VDAC1: variants seen among roughly 807,000 people sequenced by gnomAD.
The protein encoded by VDAC1 is non-selective voltage-gated ion channel VDAC1.
In VDAC1, 10 loss-of-function variants were observed where a neutral mutation model predicts 34.7. The observed-to-expected ratio is 0.29, with a 90% confidence interval of 0.18 to 0.49. The LOEUF is 0.49. Among genes scored for constraint, VDAC1 ranks in the 20% least tolerant of loss-of-function variants. The probability of loss-of-function intolerance (pLI) is 0.99; values close to 1 mark genes in which losing one functional copy is unlikely to be tolerated. For missense variants in VDAC1, 230 were observed against 347.9 expected, an observed-to-expected ratio of 0.66 and a Z score of 2.69; for synonymous variants, 130 against 136.0, an observed-to-expected ratio of 0.96 and a Z score of 0.30.
chr5:134,114,432 A>C, the VDAC1 span, among the ~76,000 whole-genome samples: 1 of 152,156 alleles, frequency 6.6e-6, no homozygotes, highest in Non-Finnish European at 1.5e-5. Context: ...CGCAGAAAGC[A>C]GGGGGAATAT....
In VDAC1 at chr5:133,977,254, C is replaced by T. The variant is rs1235913512; in HGVS notation, c.552-1233G>A. 2.0e-5 allele frequency among the ~76,000 whole-genome samples: 3 copies of T among 152,280 alleles called. No homozygotes were observed. In the East Asian group the frequency reaches 5.8e-4, roughly 29 times the overall value. On this transcript the variant is annotated intron_variant, in intron 6 of 8. Coordinates refer to ENST00000265333, the MANE Select transcript of VDAC1 (RefSeq NM_003374.3). ...AGCAGCACTTCAAAAGAGCTTAATC[C>T]ACAATTCATCTCGTCCACCTGTGCA...
the VDAC1 span, among the ~76,000 whole-genome samples, chr5:134,108,076 G>A: frequency 6.6e-6 from 1 of 152,216 alleles, no homozygotes. Flanking sequence ...TAAAGGCAAT[G>A]GGACTCCTGA....
At chr5:133,992,810 G>T (rs1342148853) in intron 2 of VDAC1, 136 bp downstream of exon 2, 10 of 840,260 alleles carry the variant, frequency 1.2e-5, no homozygotes, top group South Asian at 2.0e-5. Context: ...CCACACAAAT[G>T]AAAGCTTCTT....
chr5:134,072,741 G>A, the VDAC1 span, among the ~76,000 whole-genome samples: 28 of 152,272 alleles, frequency 1.8e-4, no homozygotes, highest in South Asian at 5.4e-3. Context: ...CCAGCTCCAG[G>A]TTCCTCCTAC....
At chr5:134,107,471 C>T in the VDAC1 span, among the ~76,000 whole-genome samples, 88 of 152,270 alleles carry the variant, frequency 5.8e-4, no homozygotes, top group African/African-American at 2.0e-3. Flanking sequence ...GGCCAGCCGG[C>T]TCCTCCAACC....
chr5:133,980,316 C>T (rs1752641323), intron 6 of VDAC1, among the ~76,000 whole-genome samples: 1 of 152,182 alleles, frequency 6.6e-6, no homozygotes, highest in Non-Finnish European at 1.5e-5. Flanking sequence ...AGATAATCAG[C>T]TCCTAAATTT....
intron 7 of VDAC1, among the ~76,000 whole-genome samples, chr5:133,974,055 C>A (rs1425815164): frequency 6.6e-6 from 1 of 152,162 alleles, no homozygotes; most frequent in African/African-American, 2.4e-5. Context: ...GTGCTGAGAT[C>A]TGACACCCCT....
At chr5:134,040,683 T>C in the VDAC1 span, among the ~76,000 whole-genome samples, 1 of 152,036 alleles carries the variant, frequency 6.6e-6, no homozygotes, top group South Asian at 2.1e-4. Flanking sequence ...GCCAATATCG[T>C]ACTGCTGCAC....
In VDAC1 at chr5:133,994,176, A is replaced by C. The variant is rs1753209155; in HGVS notation, c.-6-1158T>G. Among the ~76,000 whole-genome samples the C allele has an allele frequency of 2.6e-5, 4 of 152,190 alleles. No homozygotes were observed. In the South Asian group the frequency reaches 8.3e-4, roughly 31 times the overall value. Reference sequence around the variant, plus strand: ...TGACATGATATGCTTCCATATCATCAATGGAAGTTGCATTCTTGGCCAAAG... The same window carrying C: ...TGACATGATATGCTTCCATATCATCCATGGAAGTTGCATTCTTGGCCAAAG... On this transcript the variant is annotated intron_variant, in intron 1 of 8. Coordinates refer to ENST00000265333, the MANE Select transcript of VDAC1 (RefSeq NM_003374.3).
the VDAC1 span, among the ~76,000 whole-genome samples, chr5:134,025,702 A>C: frequency 6.6e-6 from 1 of 151,732 alleles, no homozygotes; most frequent in East Asian, 1.9e-4. Flanking sequence ...CAATCCTCCC[A>C]CCTCAGCCTC....
the VDAC1 span, among the ~76,000 whole-genome samples, chr5:134,044,697 G>A: frequency 6.6e-6 from 1 of 152,166 alleles, no homozygotes; most frequent in African/African-American, 2.4e-5. Flanking sequence ...GCTTATCTGG[G>A]TATGCATCTA....
intron 7 of VDAC1, 64 bp from the exon 8 acceptor site, chr5:133,973,912 A>C: frequency 6.6e-7 from 1 of 1,515,886 alleles, no homozygotes. Flanking sequence ...TCCATCTCCA[A>C]AATTAGAGCT....
chr5:134,090,668 AC>A, the VDAC1 span, among the ~76,000 whole-genome samples: 1 of 151,806 alleles, frequency 6.6e-6, no homozygotes, highest in Middle Eastern at 3.4e-3. Flanking sequence ...CTTGGCCTCC[AC>A]CCCCAGCCCC....
chr5:134,069,100 C>G, the VDAC1 span, among the ~76,000 whole-genome samples: 1 of 151,582 alleles, frequency 6.6e-6, no homozygotes, highest in African/African-American at 2.4e-5. Context: ...ACAGCCACCC[C>G]CCATGTTTTA....
At chr5:134,028,731 TG>T in the VDAC1 span, among the ~76,000 whole-genome samples, 1 of 152,196 alleles carries the variant, frequency 6.6e-6, no homozygotes, top group Non-Finnish European at 1.5e-5. Flanking sequence ...GCCAAACCAC[TG>T]GTAGGCAAAT....
the VDAC1 span, among the ~76,000 whole-genome samples, chr5:134,049,683 A>G: frequency 1.3e-5 from 2 of 152,052 alleles, no homozygotes; most frequent in Non-Finnish European, 2.9e-5. Context: ...AGGTTCACGC[A>G]ATTCTCCTGT....
chr5:133,989,978 T>C (rs886468035), intron 5 of VDAC1, among the ~76,000 whole-genome samples: 1 of 152,214 alleles, frequency 6.6e-6, no homozygotes, highest in Non-Finnish European at 1.5e-5. Context: ...TTTTAAAAAC[T>C]GAAATTCAGT....
chr5:134,065,951 G>T, the VDAC1 span, among the ~76,000 whole-genome samples: 1 of 151,424 alleles, frequency 6.6e-6, no homozygotes, highest in South Asian at 2.1e-4. Context: ...CCGCCACCAC[G>T]CCTGGCTAAT....
the VDAC1 span, among the ~76,000 whole-genome samples, chr5:134,045,167 A>G: frequency 1.3e-5 from 2 of 152,218 alleles, no homozygotes; most frequent in African/African-American, 4.8e-5. Context: ...TAGATTCCCA[A>G]AGAAAGTCCA....
Sources: gnomAD v4.1 joint callset for allele counts (sites outside exome capture counted in the v4.1 genomes callset) on GRCh38, gnomAD v4.1.1 for gene constraint, MANE v1.5 for transcripts, NCBI Gene and HGNC (gene_info 2026-07-23, HGNC 2026-07-21) for gene names.